Variants in MND1 observed in about 807,000 individuals in gnomAD.
MND1 encodes meiotic nuclear division protein 1 homolog.
A neutral mutation model predicts 35.1 loss-of-function variants in MND1; 28 were observed. The ratio of observed to expected loss-of-function variants is 0.80; its 90% confidence interval spans 0.59 to 1.09. MND1 has a LOEUF of 1.09. Ranked by LOEUF, MND1 falls within the 50% of genes least tolerant of loss-of-function variation. MND1 has a pLI of 0.00. For synonymous variants in MND1, 69 were observed against 70.5 expected (o/e 0.98, Z 0.11); for missense variants, 213 against 239.6 (o/e 0.89, Z 0.73).
chr4:153,354,395 G>A (rs1451313520), intron 2 of MND1, among the ~76,000 whole-genome samples: 1 of 152,210 alleles, frequency 6.6e-6, no homozygotes, highest in East Asian at 1.9e-4. Flanking sequence ...GTTAAGCAAA[G>A]CACTGTCTGT....
In MND1 at chr4:153,370,484, G is replaced by A. The variant is rs79715027; in HGVS notation, c.276+11862G>A. The stretch of plus-strand genomic sequence containing the variant: ...CTTCTTCCAAATTATTATTAATGTT[G>A]ATGTTTTGACCTCCTCCCCTTAATC... On this transcript the variant is annotated intron_variant, in intron 4 of 7. Coordinates refer to ENST00000240488, the MANE Select transcript of MND1 (RefSeq NM_032117.4). Among the ~76,000 whole-genome samples, 645 of 151,950 alleles carry A rather than the reference G, an allele frequency of 4.2e-3. 7 individuals carry two copies. The highest frequency in any genetic ancestry group is 0.015 in the African/African-American group (614 of 41,476).
chr4:153,353,127 A>G (rs988389576), intron 2 of MND1, among the ~76,000 whole-genome samples: 1 of 152,072 alleles, frequency 6.6e-6, no homozygotes, highest in Admixed American at 6.5e-5. Context: ...TTAAAGACTT[A>G]AAGTCAGTAA....
At chr4:153,365,083 ACCAGATGTTGTTG>A (rs2149637287) in intron 4 of MND1, among the ~76,000 whole-genome samples, 1 of 146,298 alleles carries the variant, frequency 6.8e-6, no homozygotes, top group Admixed American at 7.0e-5. Flanking sequence ...TGACTGAAGA[ACCAGATGTTGTTG>A]CCACCAAAAA....
intron 5 of MND1, among the ~76,000 whole-genome samples, chr4:153,395,495 C>T (rs979730750): frequency 1.3e-5 from 2 of 152,204 alleles, no homozygotes; most frequent in African/African-American, 4.8e-5. Context: ...GTCTTGTGCT[C>T]ATCCTGATCT....
intron 4 of MND1, chr4:153,381,693 T>TAATATATATAATATAATATATATATATAA (rs1491188331): frequency 8.3e-5 from 1 of 12,076 alleles, no homozygotes; most frequent in African/African-American, 4.0e-4. Context: ...TATATATATA[T>TAATATATATAATATAATATATATATATAA]TTTTTTTTTT....
chr4:153,412,484 C>CTTTT (rs59668809), intron 7 of MND1, among the ~76,000 whole-genome samples: 1 of 138,556 alleles, frequency 7.2e-6, no homozygotes, highest in Non-Finnish European at 1.6e-5. Flanking sequence ...TCCAAATTTC[C>CTTTT]TTTTTTTTTT....
intron 3 of MND1, among the ~76,000 whole-genome samples, chr4:153,356,118 C>T (rs1409454254): frequency 6.6e-6 from 1 of 152,134 alleles, no homozygotes; most frequent in Non-Finnish European, 1.5e-5. Context: ...ATAGCAAAAT[C>T]CTGTCTTTAA....
intron 1 of MND1, among the ~76,000 whole-genome samples, chr4:153,348,227 A>C (rs933737895): frequency 6.6e-6 from 1 of 152,138 alleles, no homozygotes; most frequent in African/African-American, 2.4e-5. Context: ...AAGGAGGTGA[A>C]GGTACCTAGG....
intron 7 of MND1, among the ~76,000 whole-genome samples, chr4:153,412,560 G>A (rs775575554): frequency 1.4e-4 from 20 of 143,680 alleles, no homozygotes; most frequent in Non-Finnish European, 2.6e-4. Context: ...TCAGCTCATC[G>A]CAACCTCCAC....
At chr4:153,364,329 A>G (rs969440843) in intron 4 of MND1, among the ~76,000 whole-genome samples, 3 of 151,962 alleles carry the variant, frequency 2.0e-5, no homozygotes, top group African/African-American at 7.3e-5. Context: ...CCAGCCTGGC[A>G]ACATGGCAAG....
Position 153,382,429 on chromosome 4 carries a change from A to G in MND1, c.277-11833A>G, listed in dbSNP as rs951762653. On this transcript the variant is annotated intron_variant, in intron 4 of 7. Coordinates refer to ENST00000240488, the MANE Select transcript of MND1 (RefSeq NM_032117.4). The stretch of plus-strand genomic sequence containing the variant: ...GCTTTCTTCGCTCTTCTTTAGCTAT[A>G]TAGCCCATGGAAGGGAAGGCATTAC... Among the ~76,000 whole-genome samples the G allele has an allele frequency of 5.3e-5, 8 of 152,332 alleles. No homozygotes were observed. The East Asian group carries it at 1.3e-3, about 26-fold the overall frequency.
intron 2 of MND1, among the ~76,000 whole-genome samples, chr4:153,351,934 A>G (rs563360635): frequency 6.6e-6 from 1 of 152,348 alleles, no homozygotes; most frequent in South Asian, 2.1e-4. Context: ...TTTGTTACCT[A>G]TAGTGAACAA....
At chr4:153,366,255 A>C (rs1773634986) in intron 4 of MND1, among the ~76,000 whole-genome samples, 1 of 152,230 alleles carries the variant, frequency 6.6e-6, no homozygotes, top group African/African-American at 2.4e-5. Flanking sequence ...CAGTAATCTC[A>C]TCTCAAGATC....
chr4:153,365,698 C>G (rs1357788842), intron 4 of MND1, among the ~76,000 whole-genome samples: 1 of 152,044 alleles, frequency 6.6e-6, no homozygotes, highest in Non-Finnish European at 1.5e-5. Context: ...CTCCTGGGCT[C>G]AAGCAGTCCT....
Position 153,394,285 on chromosome 4 carries a change from T to A in MND1, c.300T>A (p.His100Gln). The A allele has an allele frequency of 1.2e-6, 2 of 1,612,784 alleles. No individual in the cohort carries two copies. Among genetic ancestry groups the A allele is most frequent in the Middle Eastern group, 1.7e-4 (1 of 6,050 alleles). ...ESQLSEGSQK[H>Q]ASLQKSIEKA... Reference sequence around the variant, plus strand: ...AGTTGTCTGAGGGAAGTCAAAAGCATGCAAGCCTACAGAAAAGCATTGAGA... The same window carrying A: ...AGTTGTCTGAGGGAAGTCAAAAGCAAGCAAGCCTACAGAAAAGCATTGAGA... Residue 100 changes from histidine (H) to glutamine (Q), a missense_variant, in exon 5 of 8, where the codon CAT becomes CAA. His to Gln is a conservative substitution (Grantham distance 24). Coordinates refer to ENST00000240488, the MANE Select transcript of MND1 (RefSeq NM_032117.4).
chr4:153,410,959 C>A (rs1328578044), intron 7 of MND1, among the ~76,000 whole-genome samples: 1 of 151,998 alleles, frequency 6.6e-6, no homozygotes, highest in Non-Finnish European at 1.5e-5. Flanking sequence ...CCACTGCACT[C>A]CAGCCTGAGC....
intron 4 of MND1, among the ~76,000 whole-genome samples, chr4:153,383,930 C>T (rs2149647623): frequency 6.6e-6 from 1 of 152,302 alleles, no homozygotes; most frequent in Middle Eastern, 3.4e-3. Flanking sequence ...TAGCCCTCAT[C>T]TCTGAATTTG....
intron 4 of MND1, among the ~76,000 whole-genome samples, chr4:153,378,472 A>G (rs1332322602): frequency 6.6e-6 from 1 of 152,226 alleles, no homozygotes; most frequent in Non-Finnish European, 1.5e-5. Flanking sequence ...AATTTGAGCA[A>G]TCCTGGGTTG....
chr4:153,373,343 GC>G (rs35859470), intron 4 of MND1, among the ~76,000 whole-genome samples: 1,654 of 152,136 alleles, frequency 0.011, 17 homozygotes, highest in Non-Finnish European at 0.015. Flanking sequence ...CTAAAACTAG[GC>G]ATAATGGGGG....
Sources: allele counts gnomAD v4.1 joint callset (sites outside exome capture counted in the v4.1 genomes callset), GRCh38; gene constraint gnomAD v4.1.1; transcripts MANE v1.5; gene names NCBI Gene and HGNC (gene_info 2026-07-23, HGNC 2026-07-21).